PTPRE: variants seen among roughly 807,000 people sequenced by gnomAD.
PTPRE encodes the protein receptor-type tyrosine-protein phosphatase epsilon.
In PTPRE, 51 loss-of-function variants were observed where a neutral mutation model predicts 102.0. The ratio of observed to expected loss-of-function variants is 0.50; its 90% CI spans 0.40 to 0.63. The LOEUF is 0.63. Among genes scored for constraint, PTPRE ranks in the 30% least tolerant of loss-of-function variants. The pLI, the probability that PTPRE is intolerant of heterozygous loss-of-function variation, is 0.00. For synonymous variants in PTPRE, 345 were observed against 348.2 expected, an observed-to-expected ratio of 0.99 and a Z score of 0.10; for missense variants, 752 against 915.1, an observed-to-expected ratio of 0.82 and a Z score of 2.30.
intron 16 of PTPRE, 30 bp downstream of exon 16, chr10:128,072,244 G>A: frequency 6.3e-7 from 1 of 1,576,832 alleles, no homozygotes. Flanking sequence ...TTGTGTTTAT[G>A]CAGATGTGTT....
rs745582237 is a variant in PTPRE, at chr10:128,070,267, G to A, written c.1144-34G>A. 1 of 1,578,080 alleles carries A rather than the reference G, an allele frequency of 6.3e-7. No homozygotes were observed. Among genetic ancestry groups the A allele is most frequent in the Non-Finnish European group, 8.6e-7 (1 of 1,159,832 alleles). On this transcript the variant is annotated intron_variant, in intron 13 of 20. Coordinates refer to ENST00000254667, the MANE Select transcript of PTPRE (RefSeq NM_006504.6). This position sits in a 1 kb window ranked among gnomAD's most constrained non-coding sequence, Gnocchi z 4.8. Reference sequence around the variant, plus strand: ...ACGTGGGCCAAGACTGCAGGGCAGAGTTGAGGGTGTGGGCACCCCTGGCCT... The same window carrying A: ...ACGTGGGCCAAGACTGCAGGGCAGAATTGAGGGTGTGGGCACCCCTGGCCT...
intron 2 of PTPRE, among the ~76,000 whole-genome samples, chr10:128,030,844 A>G (rs1037080747): frequency 2.0e-5 from 3 of 152,024 alleles, no homozygotes; most frequent in African/African-American, 7.2e-5. Flanking sequence ...GCCTCCTTGG[A>G]CCGGCTGACT....
rs1194107221 is a variant in PTPRE at position 127,907,669 on chromosome 10, GC to G, written c.-31+361del. On this transcript the variant is annotated intron_variant, in intron 1 of 20. Transcript: ENST00000254667. The surrounding 1 kb of genome is among the most constrained non-coding windows in gnomAD (Gnocchi z 4.8). ...GGCAGGGCGGCGTACGTGAAAGCGG[GC>G]GACACAGAGAGGGGGTGCAGGCCGC... 6.6e-6 allele frequency among the ~76,000 whole-genome samples: 1 copy of G among 152,122 alleles called. No homozygotes were observed. Among genetic ancestry groups the G allele is most frequent in the Non-Finnish European group, 1.5e-5 (1 of 68,004 alleles).
chr10:127,958,253 G>A (rs942493768), intron 1 of PTPRE, among the ~76,000 whole-genome samples: 3 of 152,176 alleles, frequency 2.0e-5, no homozygotes, highest in African/African-American at 7.2e-5. Context: ...GTCAAGAGAG[G>A]ACATCCTTGC....
intron 2 of PTPRE, among the ~76,000 whole-genome samples, chr10:127,997,640 C>T (rs1232249202): frequency 6.6e-6 from 1 of 151,968 alleles, no homozygotes; most frequent in Non-Finnish European, 1.5e-5. Context: ...AAATAAGAGA[C>T]AAGAAAGGAG....
At chr10:128,067,693 G>A (rs113288604) in intron 11 of PTPRE, among the ~76,000 whole-genome samples, 3 of 152,248 alleles carry the variant, frequency 2.0e-5, no homozygotes, top group East Asian at 1.9e-4. Context: ...AGAGCAGGCC[G>A]ACTGCATCAT....
chr10:127,966,189 G>A (rs1850237368), intron 1 of PTPRE, among the ~76,000 whole-genome samples: 1 of 152,162 alleles, frequency 6.6e-6, no homozygotes, highest in African/African-American at 2.4e-5. Flanking sequence ...GCTGCATCTG[G>A]GGTCAGTGTG....
In PTPRE at chr10:128,066,902, A is replaced by G. The variant is rs189210104; in HGVS notation, c.843+708A>G. Among the ~76,000 whole-genome samples the G allele has an allele frequency of 7.6e-3, 1,147 of 151,758 alleles. 7 individuals carry two copies. Among genetic ancestry groups the G allele is most frequent in the Middle Eastern group, 0.014 (4 of 292 alleles). On this transcript the variant is annotated intron_variant, in intron 11 of 20. Transcript: ENST00000254667. The stretch of plus-strand genomic sequence containing the variant: ...CACACAGGCACTCACATGCACACGC[A>G]CACACATACTCCCACACACAGGCAC...
At chr10:128,079,815 G>A (rs1851546279) in intron 20 of PTPRE, 120 bp downstream of exon 20, 2 of 1,295,778 alleles carry the variant, frequency 1.5e-6, no homozygotes, top group African/African-American at 1.5e-5. Flanking sequence ...AAATTCCCAA[G>A]GAAAAGAGCC....
At chr10:127,935,570 G>A (rs941668148) in intron 1 of PTPRE, among the ~76,000 whole-genome samples, 2 of 151,992 alleles carry the variant, frequency 1.3e-5, no homozygotes, top group East Asian at 1.9e-4. Flanking sequence ...CTTTCTTCCC[G>A]CGGGGACCCT....
intron 2 of PTPRE, among the ~76,000 whole-genome samples, chr10:128,019,241 T>C (rs1430336627): frequency 6.6e-6 from 1 of 152,236 alleles, no homozygotes; most frequent in Non-Finnish European, 1.5e-5. Context: ...GGCCCATTGC[T>C]TGGCCTTTCT....
intron 3 of PTPRE, among the ~76,000 whole-genome samples, chr10:128,046,453 C>G (rs1173355181): frequency 6.6e-6 from 1 of 152,184 alleles, no homozygotes; most frequent in East Asian, 1.9e-4. Context: ...AACCCGGGAG[C>G]CAAGGCAGTC....
intron 7 of PTPRE, among the ~76,000 whole-genome samples, chr10:128,059,407 G>C (rs1477515664): frequency 2.0e-5 from 3 of 152,152 alleles, no homozygotes; most frequent in Non-Finnish European, 2.9e-5. Flanking sequence ...CAGGCCACCA[G>C]CCCGTGGCCC....
intron 16 of PTPRE, 118 bp from the exon 17 acceptor site, chr10:128,073,219 C>A: frequency 7.1e-7 from 1 of 1,414,618 alleles, no homozygotes; most frequent in Non-Finnish European, 9.6e-7. Flanking sequence ...CTGGTGCAGA[C>A]CATGGAGGAT....
At chr10:128,051,121 T>G (rs1848532106) in intron 6 of PTPRE, among the ~76,000 whole-genome samples, 1 of 152,238 alleles carries the variant, frequency 6.6e-6, no homozygotes, top group Admixed American at 6.5e-5. Context: ...AGTTTTCAGC[T>G]AGCAGATCCC....
intron 2 of PTPRE, among the ~76,000 whole-genome samples, chr10:128,005,947 TC>T (rs1208510147): frequency 6.6e-6 from 1 of 152,106 alleles, no homozygotes; most frequent in Non-Finnish European, 1.5e-5. Context: ...AGCTTCCACC[TC>T]CATCTTCATG....
chr10:127,965,776 C>T (rs1049182040), intron 1 of PTPRE, among the ~76,000 whole-genome samples: 20 of 152,206 alleles, frequency 1.3e-4, no homozygotes, highest in Admixed American at 9.8e-4. Flanking sequence ...TGGACAGCAT[C>T]AGAGATCTGC....
chr10:127,975,813 G>C (rs1044807514), intron 1 of PTPRE, among the ~76,000 whole-genome samples: 1 of 152,164 alleles, frequency 6.6e-6, no homozygotes, highest in Non-Finnish European at 1.5e-5. Context: ...GCAGGTAGAG[G>C]GGAGTAAAAC....
intron 2 of PTPRE, among the ~76,000 whole-genome samples, chr10:128,010,596 C>G (rs889039558): frequency 1.3e-5 from 2 of 150,220 alleles, no homozygotes; most frequent in Non-Finnish European, 3.0e-5. Flanking sequence ...CTTTTCTTTC[C>G]TTTTGAGATG....
Sources: gnomAD v4.1 joint callset for allele counts (sites outside exome capture counted in the v4.1 genomes callset) on GRCh38, gnomAD v4.1.1 for gene constraint, Gnocchi (gnomAD v3.1) non-coding constraint, MANE v1.5 for transcripts, NCBI Gene and HGNC (gene_info 2026-07-23, HGNC 2026-07-21) for gene names.